Variants in ZFHX3 observed in about 807,000 individuals in gnomAD.
ZFHX3 encodes the protein zinc finger homeobox protein 3.
Under a neutral mutation model 279.1 loss-of-function variants are expected in ZFHX3, and 42 were observed. The observed-to-expected ratio is 0.15, with a 90% CI of 0.12 to 0.19. The LOEUF (loss-of-function observed/expected upper bound fraction) is 0.19, where lower values mean the gene tolerates loss of function less well. Among genes scored for constraint, ZFHX3 ranks in the 10% least tolerant of loss-of-function variants. The probability of loss-of-function intolerance (pLI) is 1.00; values close to 1 mark genes in which losing one functional copy is unlikely to be tolerated. For synonymous variants in ZFHX3, 2,293 were observed against 1,957.8 expected (o/e 1.17, Z -4.52); for missense variants, 4,981 against 4,754.0 (o/e 1.05, Z -1.40).
At chr16:73,799,668 T>A (rs1960088590) in intron 1 of ZFHX3, among the ~76,000 whole-genome samples, 1 of 152,196 alleles carries the variant, frequency 6.6e-6, no homozygotes, top group Admixed American at 6.5e-5. Context: ...CAACTCTATT[T>A]GGGCTCCAGT....
chr16:72,919,042 G>A (rs2039517316), intron 3 of ZFHX3, among the ~76,000 whole-genome samples: 1 of 151,964 alleles, frequency 6.6e-6, no homozygotes. Context: ...GGTTCAGTGT[G>A]TTCCCTAAAT....
intron 4 of ZFHX3, among the ~76,000 whole-genome samples, chr16:72,867,405 T>C (rs1403499740): frequency 3.3e-5 from 5 of 152,120 alleles, no homozygotes; most frequent in Non-Finnish European, 7.4e-5. Flanking sequence ...ATGAGAACGA[T>C]TTTATAAGTG....
At chr16:73,270,381 C>G (rs2014106901) in intron 4 of ZFHX3, among the ~76,000 whole-genome samples, 1 of 152,148 alleles carries the variant, frequency 6.6e-6, no homozygotes, top group Non-Finnish European at 1.5e-5. Flanking sequence ...AAAACATAGC[C>G]ACGACCACTG....
intron 4 of ZFHX3, among the ~76,000 whole-genome samples, chr16:73,303,698 A>C (rs2015110390): frequency 6.6e-6 from 1 of 152,152 alleles, no homozygotes; most frequent in African/African-American, 2.4e-5. Context: ...TAATTCAGAA[A>C]AAGATAATCA....
chr16:72,868,884 T>C (rs927546099), intron 4 of ZFHX3, among the ~76,000 whole-genome samples: 1 of 151,904 alleles, frequency 6.6e-6, no homozygotes, highest in Non-Finnish European at 1.5e-5. Flanking sequence ...AATAATTACC[T>C]CCAGAAAGGA....
intron 5 of ZFHX3, among the ~76,000 whole-genome samples, chr16:73,249,263 A>G (rs774523999): frequency 1.3e-5 from 2 of 152,204 alleles, no homozygotes; most frequent in African/African-American, 4.8e-5. Flanking sequence ...CATTTGCAAA[A>G]AGAGGCTATC....
chr16:73,298,475 C>T (rs1169074145), intron 4 of ZFHX3, among the ~76,000 whole-genome samples: 2 of 151,594 alleles, frequency 1.3e-5, no homozygotes, highest in East Asian at 1.9e-4. Flanking sequence ...TGAGCCACTG[C>T]GCCCAACCTA....
At chr16:73,676,582 C>G (rs1257548259) in intron 2 of ZFHX3, among the ~76,000 whole-genome samples, 1 of 151,676 alleles carries the variant, frequency 6.6e-6, no homozygotes. Flanking sequence ...CCCAGAGAAT[C>G]AAAAAGAAAA....
chr16:73,312,565 A>G (rs961576217), intron 4 of ZFHX3, among the ~76,000 whole-genome samples: 1 of 152,178 alleles, frequency 6.6e-6, no homozygotes, highest in Admixed American at 6.5e-5. Flanking sequence ...CCTGGTGCCT[A>G]TTGCTCAATG....
intron 1 of ZFHX3, among the ~76,000 whole-genome samples, chr16:73,716,066 CT>C (rs1167733529): frequency 1.3e-5 from 2 of 152,118 alleles, no homozygotes; most frequent in African/African-American, 2.4e-5. Flanking sequence ...TTTCCATCAA[CT>C]TGTGTTTCAT....
intron 3 of ZFHX3, among the ~76,000 whole-genome samples, chr16:72,948,414 A>G (rs1356528967): frequency 2.0e-5 from 3 of 152,210 alleles, no homozygotes; most frequent in African/African-American, 7.2e-5. Flanking sequence ...AAAAAGTCCC[A>G]GGATGACAGG....
Position 72,959,215 on chromosome 16 carries a change from C to G in ZFHX3, c.931G>C (p.Glu311Gln), listed in dbSNP as rs1172253692. 6.2e-7 allele frequency: 1 copy of G among 1,614,176 alleles called. No homozygotes were observed. The highest frequency in any genetic ancestry group is 1.7e-5 in the Admixed American group (1 of 60,020). Residue 311 changes from glutamate (E) to glutamine (Q), a missense_variant, in exon 2 of 10, where the codon GAA (glutamate) becomes CAA (glutamine). This residue lies in a region of ZFHX3 where 1,068 missense variants were observed against 935.2 expected (regional missense o/e 1.14). Coordinates refer to ENST00000268489, the MANE Select transcript of ZFHX3 (RefSeq NM_006885.4). ...TTGCTAAGAATTTTCCGCTCGTCTT[C>G]GCTCAGGGTCATTCGATGGTCATGC... ...AVHDHRMTLS[E>Q]DERKILSNKN...
intron 5 of ZFHX3, among the ~76,000 whole-genome samples, chr16:72,822,795 G>GCTTTTTTTTTTT: frequency 1.1e-5 from 1 of 90,438 alleles, no homozygotes; most frequent in Non-Finnish European, 2.1e-5. Flanking sequence ...TAGAAAGTGA[G>GCTTTTTTTTTTT]TTTTTTTTTT....
chr16:73,023,269 C>T (rs1266303027), intron 1 of ZFHX3, among the ~76,000 whole-genome samples: 2 of 152,150 alleles, frequency 1.3e-5, no homozygotes, highest in Non-Finnish European at 2.9e-5. Flanking sequence ...ATTTGCTGAA[C>T]AAAACACATC....
intron 3 of ZFHX3, among the ~76,000 whole-genome samples, chr16:72,931,489 A>G (rs2144296548): frequency 6.6e-6 from 1 of 150,826 alleles, no homozygotes; most frequent in Non-Finnish European, 1.5e-5. Context: ...GGGGGAAGGG[A>G]GAAAACAATC....
chr16:73,529,770 A>G (rs537816897), intron 2 of ZFHX3, among the ~76,000 whole-genome samples: 2 of 152,324 alleles, frequency 1.3e-5, no homozygotes, highest in Admixed American at 1.3e-4. Flanking sequence ...AGAGTGCTCG[A>G]AATAATTGTG....
rs183723999 is a variant in ZFHX3 at position 73,803,351 on chromosome 16, C to T, written c.-1608+88300G>A. Among the ~76,000 whole-genome samples, 12 of 152,162 alleles carry T rather than the reference C, an allele frequency of 7.9e-5. No individual in the cohort carries two copies. The East Asian group carries it at 2.1e-3, about 27-fold the overall frequency. ...GAGGTATATCAGTTGTCATTGTTGACAAAACTTAAGACCTTGATAATAGCT... is the reference window on the plus strand; with the variant it reads ...GAGGTATATCAGTTGTCATTGTTGATAAAACTTAAGACCTTGATAATAGCT... On this transcript the variant is annotated intron_variant, in intron 1 of 17. Transcript: ENST00000641206.
chr16:73,425,999 T>C (rs2017803473), intron 3 of ZFHX3, among the ~76,000 whole-genome samples: 1 of 152,234 alleles, frequency 6.6e-6, no homozygotes, highest in Non-Finnish European at 1.5e-5. Context: ...TTTTCACTTT[T>C]TCTTCCTTTT....
At chr16:73,847,904 GTTTT>G (rs60189791) in intron 1 of ZFHX3, among the ~76,000 whole-genome samples, 24 of 80,052 alleles carry the variant, frequency 3.0e-4, no homozygotes, top group Non-Finnish European at 3.2e-4. Context: ...TGCCTGGCTA[GTTTT>G]TTTTTTTTTT....
Sources: allele counts gnomAD v4.1 joint callset (sites outside exome capture counted in the v4.1 genomes callset), GRCh38; gene constraint gnomAD v4.1.1; regional missense constraint gnomAD v4.1.1; transcripts MANE v1.5; gene names NCBI Gene and HGNC (gene_info 2026-07-23, HGNC 2026-07-21).